The following FSHR variants were observed in gnomAD, a reference collection of about 807,000 sequenced individuals.
FSHR encodes follicle stimulating hormone receptor.
A neutral mutation model predicts 52.1 loss-of-function variants in FSHR; 46 were observed. The ratio of observed to expected loss-of-function variants is 0.88; its 90% confidence interval spans 0.70 to 1.13. The LOEUF is 1.13. Among genes scored for constraint, FSHR ranks in the 50% most tolerant of loss-of-function variants. The pLI is 0.00. For synonymous variants in FSHR, 399 were observed against 309.6 expected, an observed-to-expected ratio of 1.29 and a Z score of -3.03; for missense variants, 964 against 834.6, an observed-to-expected ratio of 1.16 and a Z score of -1.91.
chr2:49,069,851 C>T (rs1669666335), intron 1 of FSHR, among the ~76,000 whole-genome samples: 1 of 152,134 alleles, frequency 6.6e-6, no homozygotes, highest in Non-Finnish European at 1.5e-5. Context: ...ACAAGGCAGT[C>T]TGTGAGCAGG....
At chr2:48,969,747 T>C in intron 8 of FSHR, among the ~76,000 whole-genome samples, 1 of 152,224 alleles carries the variant, frequency 6.6e-6, no homozygotes, top group East Asian at 1.9e-4. Context: ...TCAGCACAAA[T>C]GACCAGTTTA....
intron 8 of FSHR, among the ~76,000 whole-genome samples, chr2:48,978,835 A>C (rs999034467): frequency 6.6e-6 from 1 of 152,178 alleles, no homozygotes; most frequent in Admixed American, 6.5e-5. Context: ...GAGGCTCCCT[A>C]TTCTTCCCTC....
At chr2:49,106,340 A>T (rs182043261) in intron 1 of FSHR, among the ~76,000 whole-genome samples, 1 of 152,160 alleles carries the variant, frequency 6.6e-6, no homozygotes, top group African/African-American at 2.4e-5. Context: ...AGAGAGAGAG[A>T]TAGAAAGAAA....
chr2:49,064,068 G>A (rs1421501654), intron 2 of FSHR, among the ~76,000 whole-genome samples: 1 of 151,068 alleles, frequency 6.6e-6, no homozygotes, highest in Non-Finnish European at 1.5e-5. Flanking sequence ...GAGTTTGTGT[G>A]TGTGTGTGTG....
chr2:49,104,208 C>G (rs1342814129), intron 1 of FSHR, among the ~76,000 whole-genome samples: 4 of 152,090 alleles, frequency 2.6e-5, no homozygotes, highest in East Asian at 1.9e-4. Context: ...ATCCTTGAAG[C>G]TGGCAAGTTG....
chr2:49,116,069 A>C (rs1292104067), intron 1 of FSHR, among the ~76,000 whole-genome samples: 1 of 152,176 alleles, frequency 6.6e-6, no homozygotes, highest in Non-Finnish European at 1.5e-5. Flanking sequence ...CCTGCAAGTA[A>C]GCAAGATCTT....
At chr2:49,035,489 T>A (rs1031507030) in intron 2 of FSHR, among the ~76,000 whole-genome samples, 1 of 152,188 alleles carries the variant, frequency 6.6e-6, no homozygotes, top group Non-Finnish European at 1.5e-5. Context: ...TCCAGAGGCC[T>A]CTGTGGCTAT....
intron 2 of FSHR, among the ~76,000 whole-genome samples, chr2:49,056,470 A>G (rs1367701733): frequency 4.3e-5 from 2 of 46,368 alleles, no homozygotes; most frequent in African/African-American, 1.1e-4. Flanking sequence ...ATATATATAT[A>G]TATATATATA....
chr2:49,153,775 A>G (rs1673144757), intron 1 of FSHR, among the ~76,000 whole-genome samples: 1 of 152,004 alleles, frequency 6.6e-6, no homozygotes, highest in South Asian at 2.1e-4. Flanking sequence ...TTTACACCCA[A>G]AAGCAGAATC....
At chr2:49,140,567 G>T (rs1033448450) in intron 1 of FSHR, among the ~76,000 whole-genome samples, 1 of 151,950 alleles carries the variant, frequency 6.6e-6, no homozygotes, top group African/African-American at 2.4e-5. Context: ...AGGCATGATG[G>T]TGCGTGCCTG....
chr2:49,027,607 T>C (rs1667951720), intron 2 of FSHR, among the ~76,000 whole-genome samples: 1 of 152,140 alleles, frequency 6.6e-6, no homozygotes, highest in African/African-American at 2.4e-5. Flanking sequence ...CCCAGCACTT[T>C]GGGAGGCCGA....
At chr2:49,086,334 A>G (rs1670391660) in intron 1 of FSHR, among the ~76,000 whole-genome samples, 1 of 152,192 alleles carries the variant, frequency 6.6e-6, no homozygotes, top group African/African-American at 2.4e-5. Context: ...GAAAAGATGT[A>G]GCAACCCTGA....
At chr2:48,992,233 G>T (rs916515667) in intron 4 of FSHR, among the ~76,000 whole-genome samples, 2 of 152,100 alleles carry the variant, frequency 1.3e-5, no homozygotes, top group Non-Finnish European at 2.9e-5. Context: ...AGGTCTATGG[G>T]CTAAGACAAA....
chr2:48,988,284 T>G (rs745974457), intron 6 of FSHR, among the ~76,000 whole-genome samples: 6 of 152,220 alleles, frequency 3.9e-5, no homozygotes, highest in African/African-American at 7.2e-5. Context: ...TTTCATATCT[T>G]ACAGATGTAA....
chr2:49,073,749 G>A (rs554919909), intron 1 of FSHR, among the ~76,000 whole-genome samples: 6 of 151,966 alleles, frequency 3.9e-5, no homozygotes, highest in South Asian at 2.1e-4. Flanking sequence ...TAAGCAAAAA[G>A]AACAAAATTA....
At chr2:49,036,442 TA>T (rs1163134473) in intron 2 of FSHR, among the ~76,000 whole-genome samples, 3 of 151,608 alleles carry the variant, frequency 2.0e-5, no homozygotes, top group Non-Finnish European at 2.9e-5. Flanking sequence ...ATATATAAAT[TA>T]AAAAATCATG....
intron 1 of FSHR, among the ~76,000 whole-genome samples, chr2:49,107,332 G>C (rs1671263003): frequency 6.6e-6 from 1 of 151,854 alleles, no homozygotes; most frequent in Non-Finnish European, 1.5e-5. Context: ...CTCTGGGCAA[G>C]TGCCTCAGAC....
rs780079274 is a variant in FSHR at position 48,962,919 on chromosome 2, G to A, written c.1902C>T (p.Arg634=). ...FLYAIFTKNF[R]RDFFILLSKC... The stretch of plus-strand genomic sequence containing the variant: ...TGCTCAGCAGAATGAAGAAATCTCT[G>A]CGAAAGTTTTTGGTAAAGATGGCAT... Residue 634 remains arginine (R), a synonymous_variant, in exon 10 of 10, where the codon CGC becomes CGT. Transcript: ENST00000406846. 1.2e-6 allele frequency: 2 copies of A among 1,614,128 alleles called. No individual in the cohort carries two copies. The highest frequency in any genetic ancestry group is 1.7e-6 in the Non-Finnish European group (2 of 1,180,008).
chr2:49,088,441 T>G (rs1558434618), intron 1 of FSHR, among the ~76,000 whole-genome samples: 1 of 152,216 alleles, frequency 6.6e-6, no homozygotes, highest in South Asian at 2.1e-4. Flanking sequence ...GGTATAAAAT[T>G]AATTCAGAAT....
Sources: gnomAD v4.1 joint callset for allele counts (sites outside exome capture counted in the v4.1 genomes callset) on GRCh38, gnomAD v4.1.1 for gene constraint, MANE v1.5 for transcripts, NCBI Gene and HGNC (gene_info 2026-07-23, HGNC 2026-07-21) for gene names.